Variants in SH3BP5 observed in about 807,000 individuals in gnomAD.
SH3BP5 encodes SH3 domain-binding protein 5.
In SH3BP5, 22 loss-of-function variants were observed where a neutral mutation model predicts 43.3. The observed-to-expected ratio is 0.51, with a 90% CI of 0.36 to 0.73. The LOEUF is 0.73. Among genes scored for constraint, SH3BP5 ranks in the 30% least tolerant of loss-of-function variants. SH3BP5 has a pLI of 0.00. For synonymous variants in SH3BP5, 255 were observed against 225.8 expected, an observed-to-expected ratio of 1.13 and a Z score of -1.16; for missense variants, 529 against 586.9, an observed-to-expected ratio of 0.90 and a Z score of 1.02.
At chr3:15,280,926 G>A (rs931074004) in intron 3 of SH3BP5, among the ~76,000 whole-genome samples, 24 of 152,226 alleles carry the variant, frequency 1.6e-4, no homozygotes, top group Admixed American at 7.2e-4. Flanking sequence ...GCAGACCCAG[G>A]CCACGAACCT....
chr3:15,274,420 G>A (rs1429494331), intron 3 of SH3BP5, among the ~76,000 whole-genome samples: 1 of 152,134 alleles, frequency 6.6e-6, no homozygotes, highest in Non-Finnish European at 1.5e-5. Context: ...AAGGCAAAGG[G>A]GGAACAGGGC....
chr3:15,278,115 G>T (rs1330257300), intron 3 of SH3BP5, among the ~76,000 whole-genome samples: 1 of 152,226 alleles, frequency 6.6e-6, no homozygotes, highest in Non-Finnish European at 1.5e-5. Context: ...CTGCTCGATG[G>T]GGGCAACCAC....
chr3:15,275,651 G>GA (rs1195053794), intron 3 of SH3BP5: 3 of 152,118 alleles, frequency 2.0e-5, no homozygotes, highest in South Asian at 4.1e-4. Context: ...ATGCAATACA[G>GA]AAAAAATGTT....
At chr3:15,307,849 C>T (rs945879009) in intron 2 of SH3BP5, among the ~76,000 whole-genome samples, 5 of 152,264 alleles carry the variant, frequency 3.3e-5, no homozygotes, top group African/African-American at 9.6e-5. Context: ...AGGGCCAGAT[C>T]GGTTAGCGTG....
At position 15,254,512 on chromosome 3, in the gene SH3BP5, C is replaced by G. The variant is rs1454551912; in HGVS notation, c.*1574G>C. 2.6e-5 allele frequency: 4 copies of G among 152,152 alleles called. No individual in the cohort carries two copies. The highest frequency in any genetic ancestry group is 6.5e-5 in the Admixed American group (1 of 15,274). 9.4% of individuals were successfully genotyped at this position (152,152 alleles called of 1,614,324 possible). A position where few individuals can be genotyped will look rare whatever the true frequency, so the allele number is the denominator to read the frequency against. On this transcript the variant is annotated 3_prime_UTR_variant, in exon 9 of 9. Transcript: ENST00000383791. ...AAGTCTAATGCCCCAGTGTACCCCCCCCAGTTAATTAATTAAATAATTCTC... is the reference window on the plus strand; with the variant it reads ...AAGTCTAATGCCCCAGTGTACCCCCGCCAGTTAATTAATTAAATAATTCTC...
At chr3:15,288,682 G>A (rs1697330591) in intron 3 of SH3BP5, among the ~76,000 whole-genome samples, 1 of 152,208 alleles carries the variant, frequency 6.6e-6, no homozygotes, top group Non-Finnish European at 1.5e-5. Context: ...AGAGGTTGCA[G>A]TGAGCCGGGA....
At chr3:15,331,478 G>A (rs967029262) in intron 1 of SH3BP5, among the ~76,000 whole-genome samples, 5 of 152,146 alleles carry the variant, frequency 3.3e-5, no homozygotes, top group African/African-American at 9.7e-5. Flanking sequence ...AAAGGGATTT[G>A]CTCTGCTTTT....
At position 15,302,060 on chromosome 3, in the gene SH3BP5, G is replaced by A. The variant is rs866835478; in HGVS notation, c.330+2043C>T. On this transcript the variant is annotated intron_variant, in intron 3 of 8. Coordinates refer to ENST00000383791, the MANE Select transcript of SH3BP5 (RefSeq NM_004844.5). ...GGAAAGGAGGTTTTCTGAATTCCTC[G>A]ATATTTATCCAATGTTTAAATTAAA... Among the ~76,000 whole-genome samples, 50 of 152,170 alleles carry A rather than the reference G, an allele frequency of 3.3e-4. No homozygotes were observed. The Middle Eastern group carries it at 0.01, about 31-fold the overall frequency.
chr3:15,325,811 C>T (rs1021392607), intron 2 of SH3BP5, among the ~76,000 whole-genome samples: 3 of 152,154 alleles, frequency 2.0e-5, no homozygotes, highest in African/African-American at 7.2e-5. Context: ...CTCTCAGCTC[C>T]AGAGTTTGAA....
intron 5 of SH3BP5, chr3:15,260,250 TG>T: frequency 5.5e-6 from 1 of 181,024 alleles, no homozygotes; most frequent in Non-Finnish European, 1.2e-5. Context: ...TGAAGTCAAC[TG>T]GGGAAGAGAG....
At chr3:15,265,512 T>TCTCTCACACACACACACA (rs1318765546) in intron 4 of SH3BP5, among the ~76,000 whole-genome samples, 3 of 107,934 alleles carry the variant, frequency 2.8e-5, no homozygotes, top group African/African-American at 1.2e-4. Context: ...CGAGACTCCG[T>TCTCTCACACACACACACA]CACACACACA....
intron 2 of SH3BP5, among the ~76,000 whole-genome samples, chr3:15,313,956 A>T (rs1698123355): frequency 6.6e-6 from 1 of 151,508 alleles, no homozygotes. Context: ...ACAAAAATTA[A>T]CCTGGTGTGG....
chr3:15,312,305 T>A lies in SH3BP5; in HGVS notation c.202-8074A>T, dbSNP rs547999394. On this transcript the variant is annotated intron_variant, in intron 2 of 8. Transcript: ENST00000383791. ...ATTACTCTTTCATTGAATTTTCTGT[T>A]TGGAAAAATAGTCCTTTTCCATAAA... Among the ~76,000 whole-genome samples the A allele has an allele frequency of 2.6e-5, 4 of 152,336 alleles. No homozygotes were observed. The South Asian group carries it at 8.3e-4, about 32-fold the overall frequency.
At chr3:15,336,876 G>C (rs1485050410), upstream of SH3BP5, among the ~76,000 whole-genome samples, 1 of 151,858 alleles carries the variant, frequency 6.6e-6, no homozygotes, top group African/African-American at 2.4e-5. Context: ...AGATTCCATT[G>C]TCCATCATTA....
chr3:15,299,934 T>C (rs993505019), intron 3 of SH3BP5, among the ~76,000 whole-genome samples: 2 of 152,174 alleles, frequency 1.3e-5, no homozygotes, highest in African/African-American at 4.8e-5. Flanking sequence ...TTTCAAAATA[T>C]TCACAAAGTT....
At chr3:15,332,062 TAG>T in intron 1 of SH3BP5, 1 of 746,620 alleles carries the variant, frequency 1.3e-6, no homozygotes, top group East Asian at 3.1e-5. Context: ...CTCCCCGCAA[TAG>T]AGTCAGGCCG....
intron 2 of SH3BP5, among the ~76,000 whole-genome samples, chr3:15,314,754 G>A (rs1291968847): frequency 1.3e-5 from 2 of 152,132 alleles, no homozygotes; most frequent in African/African-American, 4.8e-5. Context: ...GAATATACTA[G>A]GATCTTCAAG....
At chr3:15,333,066 C>A, upstream of SH3BP5, 1 of 985,212 alleles carries the variant, frequency 1.0e-6, no homozygotes, top group Non-Finnish European at 1.2e-6. Flanking sequence ...CATACCGAAA[C>A]ACAGAGGTGC....
chr3:15,265,445 G>T (rs1696598658), intron 4 of SH3BP5, among the ~76,000 whole-genome samples: 1 of 151,126 alleles, frequency 6.6e-6, no homozygotes, highest in South Asian at 2.1e-4. Context: ...GAACCTGGGA[G>T]GTGGAGGTTG....
Sources: gnomAD v4.1 joint callset for allele counts (sites outside exome capture counted in the v4.1 genomes callset) on GRCh38, gnomAD v4.1.1 for gene constraint, MANE v1.5 for transcripts, NCBI Gene and HGNC (gene_info 2026-07-23, HGNC 2026-07-21) for gene names.